Variants in DOCK3 observed in about 807,000 individuals in gnomAD.
DOCK3 encodes the protein dedicator of cytokinesis protein 3.
A neutral mutation model predicts 265.6 loss-of-function variants in DOCK3; 60 were observed. The observed-to-expected ratio is 0.23, with a 90% CI of 0.18 to 0.28. The LOEUF (loss-of-function observed/expected upper bound fraction) is 0.28. DOCK3 is among the 10% of genes least tolerant of loss of function. The pLI is 1.00. For synonymous variants in DOCK3, 881 were observed against 938.0 expected (o/e 0.94, Z 1.11); for missense variants, 1,981 against 2,594.3 (o/e 0.76, Z 5.14).
At chr3:51,331,759 A>G (rs1352767845) in intron 33 of DOCK3, among the ~76,000 whole-genome samples, 1 of 152,164 alleles carries the variant, frequency 6.6e-6, no homozygotes, top group Non-Finnish European at 1.5e-5. Flanking sequence ...GGAGTTCGAG[A>G]CTATCCTGAG....
rs540986400 is a variant in DOCK3 at position 50,991,292 on chromosome 3, G to T, written c.315+57215G>T. The stretch of plus-strand genomic sequence containing the variant: ...ACAGTCTAAATCCTCCACTTAAAAG[G>T]CAGAGTGGCAAGCTGGATAAAAAAG... On this transcript the variant is annotated intron_variant, in intron 5 of 52. Transcript: ENST00000266037. Among the ~76,000 whole-genome samples the T allele has an allele frequency of 1.6e-3, 240 of 152,212 alleles. 4 individuals are homozygous for T. The highest frequency in any genetic ancestry group is 3.4e-3 in the Middle Eastern group (1 of 294).
chr3:51,197,062 G>T (rs920115165), intron 12 of DOCK3, among the ~76,000 whole-genome samples: 2 of 151,986 alleles, frequency 1.3e-5, no homozygotes, highest in African/African-American at 4.8e-5. Context: ...GGTTGGGTAG[G>T]GTACTTTGGC....
chr3:51,215,326 G>A (rs1422709140), intron 14 of DOCK3, among the ~76,000 whole-genome samples: 5 of 152,084 alleles, frequency 3.3e-5, no homozygotes, highest in East Asian at 1.9e-4. Flanking sequence ...GACTGGTCTC[G>A]AACTCCTGAC....
chr3:51,261,933 A>C (rs767554998), intron 23 of DOCK3, among the ~76,000 whole-genome samples: 2 of 151,886 alleles, frequency 1.3e-5, no homozygotes, highest in Non-Finnish European at 2.9e-5. Flanking sequence ...TCTAGATCCA[A>C]CTCCCATCTC....
intron 10 of DOCK3, 143 bp downstream of exon 10, chr3:51,146,773 G>T: frequency 1.5e-6 from 1 of 668,230 alleles, no homozygotes; most frequent in Non-Finnish European, 2.4e-6. Flanking sequence ...GTTTCTATTA[G>T]GTTTTAATGA....
chr3:51,134,051 T>C (rs890857184), intron 9 of DOCK3, among the ~76,000 whole-genome samples: 4 of 152,176 alleles, frequency 2.6e-5, no homozygotes, highest in African/African-American at 9.7e-5. Flanking sequence ...TGTTTCTGCG[T>C]TAGTTTGCTA....
chr3:51,118,033 G>T (rs962218771), intron 9 of DOCK3, among the ~76,000 whole-genome samples: 19 of 151,926 alleles, frequency 1.3e-4, no homozygotes, highest in African/African-American at 4.6e-4. Flanking sequence ...TTCACTAGTT[G>T]TTTCAATTGT....
intron 1 of DOCK3, among the ~76,000 whole-genome samples, chr3:50,694,843 C>CA (rs893425786): frequency 2.0e-5 from 3 of 151,842 alleles, no homozygotes; most frequent in South Asian, 2.1e-4. Flanking sequence ...AAATGAAAAA[C>CA]AAAAAAACAA....
At chr3:51,164,587 G>A (rs1243917308) in intron 12 of DOCK3, among the ~76,000 whole-genome samples, 2 of 136,744 alleles carry the variant, frequency 1.5e-5, no homozygotes, top group Admixed American at 8.4e-5. Flanking sequence ...TGGCGCCACT[G>A]CACTCCAGCC....
chr3:50,811,806 A>C (rs1288393362), intron 2 of DOCK3, among the ~76,000 whole-genome samples: 4 of 152,252 alleles, frequency 2.6e-5, no homozygotes, highest in Non-Finnish European at 2.9e-5. Flanking sequence ...GTTATGATCC[A>C]ATCAAGAGAG....
intron 49 of DOCK3, among the ~76,000 whole-genome samples, chr3:51,366,457 T>C (rs1459877207): frequency 6.6e-6 from 1 of 152,196 alleles, no homozygotes; most frequent in African/African-American, 2.4e-5. Flanking sequence ...GATTCATTTA[T>C]TTTTGAAGGG....
intron 1 of DOCK3, among the ~76,000 whole-genome samples, chr3:50,723,052 C>T (rs575215540): frequency 5.1e-4 from 77 of 152,230 alleles, no homozygotes; most frequent in African/African-American, 1.7e-3. Flanking sequence ...GGAATACAGA[C>T]GTGGACCACC....
intron 49 of DOCK3, among the ~76,000 whole-genome samples, chr3:51,372,581 CTG>C (rs1038282451): frequency 3.9e-5 from 6 of 152,212 alleles, no homozygotes; most frequent in African/African-American, 1.4e-4. Context: ...ATGAGCCAGG[CTG>C]TGAGCTCCAC....
intron 24 of DOCK3, among the ~76,000 whole-genome samples, chr3:51,273,140 C>T (rs1436546754): frequency 6.9e-6 from 1 of 144,490 alleles, no homozygotes; most frequent in African/African-American, 2.6e-5. Context: ...CCAGCCTGGG[C>T]GACAGAGTGA....
intron 5 of DOCK3, among the ~76,000 whole-genome samples, chr3:50,972,041 C>T (rs548748452): frequency 7.2e-4 from 110 of 152,354 alleles, no homozygotes; most frequent in African/African-American, 2.6e-3. Flanking sequence ...CTTTCTATCT[C>T]CAGGCTGCAG....
chr3:50,821,532 C>T (rs928696173), intron 2 of DOCK3, among the ~76,000 whole-genome samples: 6 of 152,158 alleles, frequency 3.9e-5, no homozygotes, highest in Non-Finnish European at 7.3e-5. Context: ...GATCTCCTGA[C>T]CTCGTGATCC....
intron 10 of DOCK3, among the ~76,000 whole-genome samples, chr3:51,149,324 C>T (rs1346120012): frequency 6.6e-6 from 1 of 152,096 alleles, no homozygotes; most frequent in East Asian, 1.9e-4. Flanking sequence ...AATTCAGTAC[C>T]CTTTATTTCT....
Position 51,238,119 on chromosome 3 carries a change from CTTTTTTTTTTTTTTTTTTTT to C in DOCK3, c.2102+551_2102+570del, listed in dbSNP as rs747331452. On this transcript the variant is annotated intron_variant, in intron 21 of 52. Coordinates refer to ENST00000266037, the MANE Select transcript of DOCK3 (RefSeq NM_004947.5). ...AATGTTCCATTGTATATATTTACCA[CTTTTTTTTTTTTTTTTTTTT>C]TTTTTTTTTTTTTTTTTTTTTGAGA... 1.5e-4 allele frequency among the ~76,000 whole-genome samples: 7 copies of C among 47,484 alleles called. No individual in the cohort carries two copies. The East Asian group carries it at 2.1e-3, about 14-fold the overall frequency. The allele number at this position is 47,484 out of a possible 152,430, so 31.2% of individuals were successfully genotyped here. A position where few individuals can be genotyped will look rare whatever the true frequency, so the allele number is the denominator to read the frequency against.
chr3:51,248,892 C>A (rs1202996196), intron 22 of DOCK3, among the ~76,000 whole-genome samples: 1 of 150,208 alleles, frequency 6.7e-6, no homozygotes, highest in East Asian at 2.1e-4. Flanking sequence ...GCCACCCCGT[C>A]TGGGAGGTGA....
Sources: allele counts gnomAD v4.1 joint callset (sites outside exome capture counted in the v4.1 genomes callset), GRCh38; gene constraint gnomAD v4.1.1; transcripts MANE v1.5; gene names NCBI Gene and HGNC (gene_info 2026-07-23, HGNC 2026-07-21).